ZNF398: variants seen among roughly 807,000 people sequenced by gnomAD.
The protein encoded by ZNF398 is zinc finger protein 398.
In ZNF398, 18 loss-of-function variants were observed where a neutral mutation model predicts 41.9. That is an observed-to-expected ratio of 0.43 (90% CI 0.30 to 0.64). ZNF398 has a LOEUF of 0.64. ZNF398 is among the 30% of genes least tolerant of loss of function. The probability of loss-of-function intolerance (pLI) is 0.14; values close to 1 mark genes in which losing one functional copy is unlikely to be tolerated. For missense variants in ZNF398, 669 were observed against 822.8 expected, an observed-to-expected ratio of 0.81 and a Z score of 2.29; for synonymous variants, 260 against 308.8, an observed-to-expected ratio of 0.84 and a Z score of 1.66.
upstream of ZNF398, among the ~76,000 whole-genome samples, chr7:149,145,942 C>CT (rs34950278): frequency 0.22 from 22,606 of 102,698 alleles, 3,373 homozygotes; most frequent in African/African-American, 0.39. Flanking sequence ...CTCGCAGGTC[C>CT]TTTTTTTTTT....
At chr7:149,155,989 G>A (rs1469265903) in intron 2 of ZNF398, among the ~76,000 whole-genome samples, 3 of 151,970 alleles carry the variant, frequency 2.0e-5, no homozygotes, top group Non-Finnish European at 4.4e-5. Context: ...GCCTCCCAAA[G>A]TGCTGGGATT....
intron 2 of ZNF398, among the ~76,000 whole-genome samples, chr7:149,133,669 ATATATATATACATATATATGTGTG>A (rs1158181997): frequency 8.8e-4 from 43 of 48,800 alleles, no homozygotes; most frequent in African/African-American, 2.8e-3. Flanking sequence ...ATATATATAT[ATATATATATACATATATATGTGTG>A]TATATATATA....
intron 2 of ZNF398, among the ~76,000 whole-genome samples, chr7:149,159,516 C>T (rs921476268): frequency 3.3e-5 from 5 of 151,404 alleles, no homozygotes; most frequent in African/African-American, 7.3e-5. Context: ...GGCATGGTGG[C>T]GGGTGCCTGT....
intron 4 of ZNF398, among the ~76,000 whole-genome samples, chr7:149,171,941 T>C (rs1284786307): frequency 6.6e-6 from 1 of 152,204 alleles, no homozygotes; most frequent in Non-Finnish European, 1.5e-5. Flanking sequence ...AGTGCTAGGA[T>C]TACAGATGTG....
At chr7:149,175,192 T>C (rs1214191418) in intron 4 of ZNF398, among the ~76,000 whole-genome samples, 6 of 152,110 alleles carry the variant, frequency 3.9e-5, no homozygotes, top group Non-Finnish European at 8.8e-5. Context: ...TAGAAGACAT[T>C]GGGTAAAGTA....
chr7:149,138,451 A>G lies in ZNF398; in HGVS notation c.-490+9507A>G, dbSNP rs202039742. 7.9e-5 allele frequency among the ~76,000 whole-genome samples: 12 copies of G among 152,108 alleles called. No individual in the cohort carries two copies. In the East Asian group the frequency reaches 1.4e-3, roughly 17 times the overall value. ...AAAAATTATCTGGGCGTGGTGGTGC[A>G]CGCCTGTATCCAGCTACTCTCAGGA... On this transcript the variant is annotated intron_variant, in intron 2 of 6. Coordinates refer to the ZNF398 transcript ENST00000426851.
At chr7:149,148,179 T>G (rs2129520003) in intron 1 of ZNF398, 1 of 186,000 alleles carries the variant, frequency 5.4e-6, no homozygotes, top group East Asian at 1.3e-4. Flanking sequence ...GGGCGGCATT[T>G]AAGTGTGCGG....
At chr7:149,144,227 G>T (rs1826885994), upstream of ZNF398, among the ~76,000 whole-genome samples, 3 of 152,210 alleles carry the variant, frequency 2.0e-5, no homozygotes, top group African/African-American at 7.2e-5. Context: ...GTCTTATTTA[G>T]TAATACAAAT....
chr7:149,179,827 T>G lies in ZNF398; in HGVS notation c.*26T>G. The G allele has an allele frequency of 6.5e-7, 1 of 1,540,150 alleles. No homozygotes were observed. The highest frequency in any genetic ancestry group is 8.8e-7 in the Non-Finnish European group (1 of 1,141,032). On this transcript the variant is annotated 3_prime_UTR_variant, in exon 6 of 6. Transcript: ENST00000475153. This position sits in a 1 kb window ranked among gnomAD's most constrained non-coding sequence, Gnocchi z 6.1. The stretch of plus-strand genomic sequence containing the variant: ...ATCCAAATCTCTGTGGCTTCATGCT[T>G]GTATATGCTCACAGCAGGGCACAAA...
At chr7:149,144,168 C>T (rs1203832260), upstream of ZNF398, among the ~76,000 whole-genome samples, 2 of 152,090 alleles carry the variant, frequency 1.3e-5, no homozygotes, top group Non-Finnish European at 2.9e-5. Flanking sequence ...GTAATATTAC[C>T]ATATTAAAGC....
At chr7:149,140,545 G>T (rs568695668) in intron 2 of ZNF398, among the ~76,000 whole-genome samples, 2 of 152,002 alleles carry the variant, frequency 1.3e-5, no homozygotes, top group Non-Finnish European at 2.9e-5. Flanking sequence ...CACTATGCCC[G>T]GCTAACTTTT....
chr7:149,166,562 C>A (rs1401650771), intron 3 of ZNF398, among the ~76,000 whole-genome samples: 1 of 152,196 alleles, frequency 6.6e-6, no homozygotes, highest in African/African-American at 2.4e-5. Context: ...GACTTCTCCC[C>A]CTTGAGGCAC....
rs1462207731 is a variant in ZNF398 at position 149,147,864 on chromosome 7, C to G, written c.24+98C>G. 1 of 1,271,550 alleles carries G rather than the reference C, an allele frequency of 7.9e-7. No homozygotes were observed. The highest frequency in any genetic ancestry group is 2.1e-5 in the South Asian group (1 of 46,752). 78.8% of individuals were successfully genotyped at this position (1,271,550 alleles called of 1,614,324 possible). A position where few individuals can be genotyped will look rare whatever the true frequency, so the allele number is the denominator to read the frequency against. On this transcript the variant is annotated intron_variant, in intron 1 of 5. Coordinates refer to ENST00000475153, the MANE Select transcript of ZNF398 (RefSeq NM_170686.3). The surrounding 1 kb of genome is among the most constrained non-coding windows in gnomAD (Gnocchi z 5.6). ...GGAGCTGCCAGGCATAGGCGCCGTT[C>G]TCGGGTCCCGCCGGCCACGTCGCCT... is the stretch of plus-strand genomic sequence containing the variant.
intron 1 of ZNF398, among the ~76,000 whole-genome samples, chr7:149,153,456 A>C (rs756719483): frequency 3.3e-5 from 5 of 152,212 alleles, no homozygotes; most frequent in Non-Finnish European, 7.3e-5. Context: ...TCATTATCTG[A>C]AAACAGCTCT....
At chr7:149,162,998 C>T (rs1482888196) in intron 2 of ZNF398, among the ~76,000 whole-genome samples, 1 of 151,976 alleles carries the variant, frequency 6.6e-6, no homozygotes. Context: ...TATATTCATT[C>T]AGAGGCTGAA....
At chr7:149,173,175 G>A (rs1037032644) in intron 4 of ZNF398, among the ~76,000 whole-genome samples, 1 of 139,782 alleles carries the variant, frequency 7.2e-6, no homozygotes, top group Non-Finnish European at 1.5e-5. Flanking sequence ...CACGATCTCG[G>A]CTCACTGCAA....
intron 1 of ZNF398, among the ~76,000 whole-genome samples, chr7:149,128,255 G>A (rs1364150237): frequency 6.6e-6 from 1 of 152,084 alleles, no homozygotes; most frequent in East Asian, 1.9e-4. Context: ...CAGGAAAGGC[G>A]GGACAACTCC....
chr7:149,166,920 C>A lies in ZNF398; in HGVS notation c.651C>A (p.Asp217Glu), dbSNP rs763875425. Residue 217 changes from aspartate to glutamate, a missense_variant, in exon 4 of 6, where the codon GAC becomes GAA. Physicochemically the swap from Asp to Glu is conservative, Grantham distance 45. Transcript: ENST00000475153. ...AGPEESEIPT[D>E]PSEEPGISTS... ...CAGAGGAAAGTGAGATTCCCACAGA[C>A]CCCAGTGAAGGTAAGTGGGAGAAGA... 1.2e-6 allele frequency: 2 copies of A among 1,609,136 alleles called. No homozygotes were observed. The highest frequency in any genetic ancestry group is 4.5e-5 in the East Asian group (2 of 44,814).
chr7:149,169,766 C>T (rs1382077556), intron 4 of ZNF398, among the ~76,000 whole-genome samples: 3 of 152,026 alleles, frequency 2.0e-5, no homozygotes, highest in African/African-American at 7.2e-5. Flanking sequence ...TACTTGTTTT[C>T]TTAAAAAAAA....
Sources: gnomAD v4.1 joint callset for allele counts (sites outside exome capture counted in the v4.1 genomes callset) on GRCh38, gnomAD v4.1.1 for gene constraint, Gnocchi (gnomAD v3.1) non-coding constraint, MANE v1.5 for transcripts, NCBI Gene and HGNC (gene_info 2026-07-23, HGNC 2026-07-21) for gene names.